The following IQUB variants were observed in gnomAD, a reference collection of about 807,000 sequenced individuals.
IQUB encodes IQ motif and ubiquitin domain containing.
A neutral mutation model predicts 86.4 loss-of-function variants in IQUB; 86 were observed. That is an observed-to-expected ratio of 1.00 (90% CI 0.84 to 1.19). The LOEUF (loss-of-function observed/expected upper bound fraction) is 1.19. Among genes scored for constraint, IQUB ranks in the 50% most tolerant of loss-of-function variants. IQUB has a pLI of 0.00. For synonymous variants in IQUB, 289 were observed against 304.5 expected, an observed-to-expected ratio of 0.95 and a Z score of 0.53; for missense variants, 946 against 916.9, an observed-to-expected ratio of 1.03 and a Z score of -0.41.
chr7:123,490,203 A>G (rs1350366817), intron 7 of IQUB, among the ~76,000 whole-genome samples: 1 of 152,066 alleles, frequency 6.6e-6, no homozygotes, highest in Non-Finnish European at 1.5e-5. Flanking sequence ...CAAAATATAA[A>G]AAGATATACT....
chr7:123,480,012 C>T, intron 7 of IQUB, 42 bp from the exon 8 acceptor site: 3 of 1,475,604 alleles, frequency 2.0e-6, no homozygotes, highest in Non-Finnish European at 2.8e-6. Context: ...TTTAAAAATC[C>T]CATCTTGAAT....
At chr7:123,468,494 A>G (rs927707796) in intron 9 of IQUB, among the ~76,000 whole-genome samples, 3 of 152,134 alleles carry the variant, frequency 2.0e-5, no homozygotes, top group Non-Finnish European at 2.9e-5. Context: ...TCTATTAAAG[A>G]AAGTTATCTC....
intron 7 of IQUB, among the ~76,000 whole-genome samples, chr7:123,495,697 G>C (rs780568551): frequency 6.6e-6 from 1 of 152,104 alleles, no homozygotes; most frequent in Non-Finnish European, 1.5e-5. Flanking sequence ...TTCTGCTCCA[G>C]TTATTTCCAC....
chr7:123,498,725 T>C (rs375178846), intron 6 of IQUB, among the ~76,000 whole-genome samples: 213 of 152,208 alleles, frequency 1.4e-3, no homozygotes, highest in African/African-American at 4.9e-3. Flanking sequence ...AACCAGTAAA[T>C]AGAGGGAAAA....
intron 11 of IQUB, chr7:123,459,874 A>C (rs1793901729): frequency 6.6e-6 from 1 of 151,988 alleles, no homozygotes. Context: ...TTAACAAAAT[A>C]TTCATTCTAT....
intron 7 of IQUB, among the ~76,000 whole-genome samples, chr7:123,493,381 C>T (rs903793406): frequency 1.3e-5 from 2 of 152,084 alleles, no homozygotes; most frequent in Admixed American, 6.5e-5. Context: ...TGCTAAGTGA[C>T]CCATGAGCCA....
At chr7:123,501,192 A>T (rs1242251489) in intron 6 of IQUB, 3 of 152,224 alleles carry the variant, frequency 2.0e-5, no homozygotes, top group African/African-American at 7.2e-5. Context: ...CATGGAATGC[A>T]GGCATGATGA....
At chr7:123,485,806 T>C (rs1795194273) in intron 7 of IQUB, among the ~76,000 whole-genome samples, 1 of 152,274 alleles carries the variant, frequency 6.6e-6, no homozygotes, top group Middle Eastern at 3.4e-3. Flanking sequence ...CCAAGCAAGA[T>C]TCCAACTAAA....
intron 7 of IQUB, among the ~76,000 whole-genome samples, chr7:123,490,930 C>T (rs1365799076): frequency 2.6e-5 from 4 of 151,488 alleles, no homozygotes; most frequent in Non-Finnish European, 5.9e-5. Context: ...TGCCATTGCA[C>T]TCCAGCCTGG....
intron 1 of IQUB, chr7:123,532,869 C>A (rs1404028009): frequency 2.0e-5 from 3 of 152,342 alleles, no homozygotes; most frequent in African/African-American, 4.8e-5. Flanking sequence ...CATGTAGGAC[C>A]CCGAAAAGGC....
chr7:123,497,460 G>A (rs1795753576), intron 6 of IQUB, among the ~76,000 whole-genome samples: 2 of 151,966 alleles, frequency 1.3e-5, no homozygotes, highest in African/African-American at 4.8e-5. Context: ...ACCAAAGGCA[G>A]GTTAGATAAA....
Position 123,452,778 on chromosome 7 carries a change from G to C in IQUB, c.2341C>G (p.Pro781Ala). The C allele has an allele frequency of 6.2e-7, 1 of 1,613,396 alleles. No individual in the cohort carries two copies. The highest frequency in any genetic ancestry group is 8.5e-7 in the Non-Finnish European group (1 of 1,179,552). Reference protein sequence around the residue: ...IRWKYHSDTTPKIIESQRPPH With the variant: ...IRWKYHSDTTAKIIESQRPPH ...GGCCTCTGGGATTCTATAATCTTAG[G>C]TGTTGTGTCTGAGTGATACTTCCAT... The change falls in exon 13 of 13, where the codon CCT becomes GCT. Residue 781 changes from proline to alanine, a missense_variant. Pro to Ala is a conservative substitution (Grantham distance 27, BLOSUM62 -1). Transcript: ENST00000324698.
chr7:123,472,797 C>G (rs140217047), intron 8 of IQUB, among the ~76,000 whole-genome samples: 11 of 152,332 alleles, frequency 7.2e-5, no homozygotes, highest in African/African-American at 2.4e-4. Context: ...GTTTTTAACT[C>G]TGACGCAGGA....
chr7:123,509,081 T>C (rs187253370), intron 3 of IQUB, among the ~76,000 whole-genome samples: 39 of 152,306 alleles, frequency 2.6e-4, no homozygotes, highest in African/African-American at 9.1e-4. Flanking sequence ...TTTTAAATAA[T>C]TTGGAAATTA....
At chr7:123,485,316 T>G (rs191443550) in intron 7 of IQUB, among the ~76,000 whole-genome samples, 44 of 152,242 alleles carry the variant, frequency 2.9e-4, no homozygotes, top group Non-Finnish European at 5.4e-4. Context: ...TAATCTCCTC[T>G]TCTTATAAGT....
chr7:123,527,082 T>C (rs578124698), intron 1 of IQUB, among the ~76,000 whole-genome samples: 162 of 152,354 alleles, frequency 1.1e-3, no homozygotes, highest in African/African-American at 3.7e-3. Context: ...CCATCGCTGA[T>C]ACCCTTCCTT....
At chr7:123,531,257 G>A (rs1203466382) in intron 1 of IQUB, among the ~76,000 whole-genome samples, 7 of 152,132 alleles carry the variant, frequency 4.6e-5, no homozygotes, top group Non-Finnish European at 7.4e-5. Flanking sequence ...ATAACAATGT[G>A]TCTCCGTGAG....
At chr7:123,509,301 A>G (rs543116868) in intron 3 of IQUB, among the ~76,000 whole-genome samples, 32 of 152,340 alleles carry the variant, frequency 2.1e-4, no homozygotes, top group African/African-American at 7.7e-4. Flanking sequence ...TCCACAAAAT[A>G]TAAATATACC....
At chr7:123,523,910 C>G (rs1445561056) in intron 1 of IQUB, among the ~76,000 whole-genome samples, 1 of 152,142 alleles carries the variant, frequency 6.6e-6, no homozygotes, top group African/African-American at 2.4e-5. Context: ...CCAGTTTCAG[C>G]TTTCTCCATA....
Sources: allele counts gnomAD v4.1 joint callset (sites outside exome capture counted in the v4.1 genomes callset), GRCh38; gene constraint gnomAD v4.1.1; transcripts MANE v1.5; gene names NCBI Gene and HGNC (gene_info 2026-07-23, HGNC 2026-07-21).